The following CSNK2A1 variants were observed in gnomAD, a reference collection of about 807,000 sequenced individuals.
CSNK2A1 encodes casein kinase 2 alpha 1, also known as casein kinase II subunit alpha.
CSNK2A1 carries 10 observed loss-of-function variants against 62.9 expected under a neutral mutation model. That is an observed-to-expected ratio of 0.16 (90% CI 0.10 to 0.27). The LOEUF is 0.27. CSNK2A1 is among the 10% of genes least tolerant of loss of function. The pLI is 1.00. For synonymous variants in CSNK2A1, 124 were observed against 167.8 expected, an observed-to-expected ratio of 0.74 and a Z score of 2.02; for missense variants, 160 against 492.0, an observed-to-expected ratio of 0.33 and a Z score of 6.38.
At position 473,718 on chromosome 20, in the gene CSNK2A1, G is replaced by C. The variant is rs1035698337; in HGVS notation, c.*10243C>G. 1 of 152,266 alleles carries C rather than the reference G, an allele frequency of 6.6e-6. No individual in the cohort carries two copies. Among genetic ancestry groups the C allele is most frequent in the African/African-American group, 2.4e-5 (1 of 41,468 alleles). 9.4% of individuals were successfully genotyped at this position (152,266 alleles called of 1,614,324 possible). ...AGACTACTGCAGTCTCCATGACCCA[G>C]TCCCTCACCAGTGTCCACTTGTGTT... On this transcript the variant is annotated 3_prime_UTR_variant, in exon 14 of 14. Coordinates refer to ENST00000217244, the MANE Select transcript of CSNK2A1 (RefSeq NM_177559.3).
In CSNK2A1 at chr20:484,011, C is replaced by G; in HGVS notation, c.1126G>C (p.Ala376Pro). Residue 376 changes from alanine to proline, a missense_variant, in exon 14 of 14, where the codon GCC becomes CCC. This residue lies in a region of CSNK2A1 where 51 missense variants were observed against 108.8 expected (regional missense o/e 0.47). Coordinates refer to ENST00000217244, the MANE Select transcript of CSNK2A1 (RefSeq NM_177559.3). ...GGAACAGGCATCCCAAGGGGGTTGGCAGCAGCAATCACTGGTGAGCCTGCC... is the reference window on the plus strand; with the variant it reads ...GGAACAGGCATCCCAAGGGGGTTGGGAGCAGCAATCACTGGTGAGCCTGCC... ...PLAGSPVIAA[A>P]NPLGMPVPAA... 3 of 1,611,956 alleles carry G rather than the reference C, an allele frequency of 1.9e-6. No individual in the cohort carries two copies. The highest frequency in any genetic ancestry group is 1.1e-5 in the South Asian group (1 of 90,790).
At position 488,805 on chromosome 20, in the gene CSNK2A1, A is replaced by C. The variant is rs372072408; in HGVS notation, c.724-27T>G. 5.1e-6 allele frequency: 8 copies of C among 1,566,326 alleles called. No homozygotes were observed. In the East Asian group the frequency reaches 1.3e-4, roughly 26 times the overall value. ...TAGTATTAAAGAAAGACAAAAACCC[A>C]TATCACAAGCATATTATATTAACAA... On this transcript the variant is annotated intron_variant, in intron 10 of 13. Transcript: ENST00000217244.
chr20:499,209 TG>T lies in CSNK2A1; in HGVS notation c.366+45del. The T allele has an allele frequency of 6.7e-7, 1 of 1,482,950 alleles. No homozygotes were observed. The highest frequency in any genetic ancestry group is 9.2e-7 in the Non-Finnish European group (1 of 1,092,514). The allele number at this position is 1,482,950 out of a possible 1,614,324, so 91.9% of individuals were successfully genotyped here. On this transcript the variant is annotated intron_variant, in intron 6 of 13. Coordinates refer to ENST00000217244, the MANE Select transcript of CSNK2A1 (RefSeq NM_177559.3). This position sits in a 1 kb window ranked among gnomAD's most constrained non-coding sequence, Gnocchi z 4.2. ...AACAGCATCATCCCCAAAGGCTATG[TG>T]GTCTAAAAACCCACTAGCCCGAAAC...
intron 13 of CSNK2A1, among the ~76,000 whole-genome samples, chr20:484,690 G>T (rs994904961): frequency 7.5e-6 from 1 of 133,940 alleles, no homozygotes; most frequent in Admixed American, 7.1e-5. Context: ...CTCTAATCAT[G>T]TTTTTGTGTG....
intron 11 of CSNK2A1, 137 bp from the exon 12 acceptor site, chr20:487,712 A>G (rs2018129678): frequency 8.6e-7 from 1 of 1,169,012 alleles, no homozygotes; most frequent in African/African-American, 1.5e-5. Context: ...GTAGTCTTGC[A>G]CCGCTCTGCC....
Position 482,964 on chromosome 20 carries a change from A to T in CSNK2A1, c.*997T>A, listed in dbSNP as rs41279418. ...TGAGGGAAGGGGACGGTCGGAGGAA[A>T]AGAAGGTAGAAAGCTTAAAATGGAA... is the stretch of plus-strand genomic sequence containing the variant. On this transcript the variant is annotated 3_prime_UTR_variant, in exon 14 of 14. Transcript: ENST00000217244. The T allele has an allele frequency of 0.032, 4,911 of 152,660 alleles. 136 individuals carry two copies. The highest frequency in any genetic ancestry group is 0.087 in the South Asian group (418 of 4,826). 9.5% of individuals were successfully genotyped at this position (152,660 alleles called of 1,614,324 possible). A position where few individuals can be genotyped will look rare whatever the true frequency, so the allele number is the denominator to read the frequency against.
chr20:502,305 G>A (rs2018487233), intron 4 of CSNK2A1: 1 of 151,996 alleles, frequency 6.6e-6, no homozygotes, highest in African/African-American at 2.4e-5. Context: ...TTTATAAACT[G>A]TTATATTATC....
chr20:497,683 C>G (rs2018372728), intron 7 of CSNK2A1, 38 bp downstream of exon 7: 10 of 1,535,126 alleles, frequency 6.5e-6, no homozygotes, highest in Non-Finnish European at 9.0e-6. Flanking sequence ...AAAAAGAAGA[C>G]CAATTTAAAA....
At chr20:503,603 T>C in intron 4 of CSNK2A1, 1 of 398,594 alleles carries the variant, frequency 2.5e-6, no homozygotes, top group Admixed American at 4.4e-5. Flanking sequence ...TAGATTGTGT[T>C]ACACTCCTCG....
chr20:510,690 C>T (rs952754025), intron 2 of CSNK2A1, among the ~76,000 whole-genome samples: 1 of 151,774 alleles, frequency 6.6e-6, no homozygotes, highest in African/African-American at 2.4e-5. Context: ...ATAGAGATGC[C>T]CTTTGTACTA....
intron 1 of CSNK2A1, among the ~76,000 whole-genome samples, chr20:533,398 G>A (rs2019252940): frequency 6.6e-6 from 1 of 152,152 alleles, no homozygotes; most frequent in African/African-American, 2.4e-5. Flanking sequence ...GGGGCCTTCT[G>A]CTTTTATTCC....
chr20:490,019 T>A (rs2018183125), intron 9 of CSNK2A1, 138 bp from the exon 10 acceptor site: 1 of 671,312 alleles, frequency 1.5e-6, no homozygotes, highest in East Asian at 2.9e-5. Context: ...CTTCATATAT[T>A]TCTTTTTAGT....
At chr20:503,770 A>T (rs1380189385) in intron 4 of CSNK2A1, 1 of 398,194 alleles carries the variant, frequency 2.5e-6, no homozygotes, top group Non-Finnish European at 4.4e-6. Flanking sequence ...GCTATGCAGC[A>T]ACAGGTCTAC....
chr20:489,897 C>T lies in CSNK2A1; in HGVS notation c.622-16G>A. ...AATCGTACATCTGCATAAAAGTAAACTCACTGTTATTATCTGTGAATCCTC... is the reference window on the plus strand; with the variant it reads ...AATCGTACATCTGCATAAAAGTAAATTCACTGTTATTATCTGTGAATCCTC... On this transcript the variant is annotated splice_polypyrimidine_tract_variant and intron_variant, in intron 9 of 13. Transcript: ENST00000217244. The T allele has an allele frequency of 2.5e-6, 4 of 1,597,448 alleles. No individual in the cohort carries two copies. The highest frequency in any genetic ancestry group is 3.4e-6 in the Non-Finnish European group (4 of 1,168,266).
intron 4 of CSNK2A1, chr20:502,010 G>A (rs191381143): frequency 3.9e-5 from 6 of 152,274 alleles, no homozygotes; most frequent in Non-Finnish European, 1.5e-5. Flanking sequence ...AGCAGATTTT[G>A]GAAACATTGA....
intron 1 of CSNK2A1, among the ~76,000 whole-genome samples, chr20:533,520 T>C: frequency 6.6e-6 from 1 of 152,194 alleles, no homozygotes; most frequent in East Asian, 1.9e-4. Flanking sequence ...GAAGCATCAC[T>C]TGAACCCAGG....
chr20:485,066 C>CAA (rs1157352244), intron 13 of CSNK2A1, among the ~76,000 whole-genome samples: 4 of 22,032 alleles, frequency 1.8e-4, no homozygotes, highest in Non-Finnish European at 3.0e-4. Flanking sequence ...ACCTTGTCTC[C>CAA]AAAAAAAAAA....
At position 484,681 on chromosome 20, in the gene CSNK2A1, T is replaced by C. The variant is rs556421461; in HGVS notation, c.1061-605A>G. Among the ~76,000 whole-genome samples, 3 of 147,932 alleles carry C rather than the reference T, an allele frequency of 2.0e-5. No homozygotes were observed. In the East Asian group the frequency reaches 6.2e-4, roughly 30 times the overall value. ...ATTTCCATTTGATTTCTTCCACCTC[T>C]CTAATCATGTTTTTGTGTGTGTGTG... On this transcript the variant is annotated intron_variant, in intron 13 of 13. Coordinates refer to ENST00000217244, the MANE Select transcript of CSNK2A1 (RefSeq NM_177559.3).
At chr20:511,092 A>C (rs1042932871) in intron 2 of CSNK2A1, among the ~76,000 whole-genome samples, 3 of 152,060 alleles carry the variant, frequency 2.0e-5, no homozygotes, top group Non-Finnish European at 4.4e-5. Context: ...ACAGTGGCTC[A>C]CTTTGGGAGG....
Sources: allele counts gnomAD v4.1 joint callset (sites outside exome capture counted in the v4.1 genomes callset), GRCh38; gene constraint gnomAD v4.1.1; regional missense constraint gnomAD v4.1.1; non-coding constraint Gnocchi (gnomAD v3.1); transcripts MANE v1.5; gene names NCBI Gene and HGNC (gene_info 2026-07-23, HGNC 2026-07-21).